The following CUBN variants were observed in gnomAD, a reference collection of about 807,000 sequenced individuals.
CUBN encodes 460 kDa receptor.
In CUBN, 282 loss-of-function variants were observed where a neutral mutation model predicts 405.3. That is an observed-to-expected ratio of 0.70 (90% CI 0.63 to 0.77). CUBN has a LOEUF of 0.77. Among genes scored for constraint, CUBN ranks in the 30% least tolerant of loss-of-function variants. The pLI is 0.00. For synonymous variants in CUBN, 1,684 were observed against 1,617.0 expected (o/e 1.04, Z -0.99); for missense variants, 4,514 against 4,475.2 (o/e 1.01, Z -0.25).
In CUBN at chr10:17,046,486, T is replaced by A. The variant is rs149871991; in HGVS notation, c.3330-392A>T. Reference sequence around the variant, plus strand: ...AGAGAATCTTTCAACGTTTTCCTTCTGATTTGGAAATTTTTGAAATGTAAT... The same window carrying A: ...AGAGAATCTTTCAACGTTTTCCTTCAGATTTGGAAATTTTTGAAATGTAAT... On this transcript the variant is annotated intron_variant, in intron 23 of 66. Coordinates refer to ENST00000377833, the MANE Select transcript of CUBN (RefSeq NM_001081.4). Among the ~76,000 whole-genome samples the A allele has an allele frequency of 4.6e-4, 70 of 152,318 alleles. 1 individual carries two copies. The East Asian group carries it at 9.4e-3, about 21-fold the overall frequency.
chr10:17,069,066 C>T (rs559138783), intron 19 of CUBN, among the ~76,000 whole-genome samples: 17 of 152,148 alleles, frequency 1.1e-4, no homozygotes, highest in Non-Finnish European at 2.4e-4. Context: ...TTGTGATTAG[C>T]TTCTTTCACA....
At chr10:16,926,303 A>C (rs551457877) in intron 41 of CUBN, among the ~76,000 whole-genome samples, 9 of 152,318 alleles carry the variant, frequency 5.9e-5, no homozygotes, top group African/African-American at 2.2e-4. Flanking sequence ...AGAATGGATG[A>C]GGCAGAATGA....
intron 21 of CUBN, 132 bp downstream of exon 21, chr10:17,067,932 G>T: frequency 1.4e-6 from 1 of 726,052 alleles, no homozygotes; most frequent in Non-Finnish European, 2.4e-6. Flanking sequence ...TAGTTATGTA[G>T]AAATGGTCAT....
At chr10:16,995,452 AT>A (rs1833707145) in intron 28 of CUBN, among the ~76,000 whole-genome samples, 1 of 152,206 alleles carries the variant, frequency 6.6e-6, no homozygotes, top group South Asian at 2.1e-4. Flanking sequence ...AATGTTGTGC[AT>A]ATCATAATCC....
intron 31 of CUBN, among the ~76,000 whole-genome samples, chr10:16,968,323 ATT>A (rs557654227): frequency 6.1e-5 from 9 of 147,884 alleles, no homozygotes; most frequent in Non-Finnish European, 1.2e-4. Context: ...AGCACAGGGA[ATT>A]TTTTTTTTTT....
intron 58 of CUBN, among the ~76,000 whole-genome samples, chr10:16,873,940 T>C (rs1314636846): frequency 6.6e-6 from 1 of 152,186 alleles, no homozygotes; most frequent in African/African-American, 2.4e-5. Context: ...CTAGAATCTA[T>C]ATATACCTCA....
intron 6 of CUBN, among the ~76,000 whole-genome samples, chr10:17,121,534 C>T (rs887233265): frequency 1.4e-4 from 12 of 86,654 alleles, no homozygotes; most frequent in African/African-American, 5.3e-4. Flanking sequence ...CATCACACAC[C>T]GGGGACTGTT....
At chr10:17,002,797 TACA>T (rs1337525046) in intron 28 of CUBN, among the ~76,000 whole-genome samples, 1 of 152,226 alleles carries the variant, frequency 6.6e-6, no homozygotes, top group African/African-American at 2.4e-5. Context: ...ATCCCAACTT[TACA>T]ACAAGGAGTT....
chr10:16,830,756 G>C (rs192300066), intron 65 of CUBN, among the ~76,000 whole-genome samples: 1 of 152,176 alleles, frequency 6.6e-6, no homozygotes, highest in Admixed American at 6.5e-5. Context: ...TTTCATATAT[G>C]AATATATATT....
chr10:17,052,385 T>C (rs1183113514), intron 22 of CUBN, among the ~76,000 whole-genome samples: 4 of 152,160 alleles, frequency 2.6e-5, no homozygotes, highest in Admixed American at 6.5e-5. Flanking sequence ...ATATAAATGA[T>C]AGGCTTTCTT....
intron 17 of CUBN, among the ~76,000 whole-genome samples, chr10:17,073,000 GCT>G (rs1835774916): frequency 6.6e-6 from 1 of 152,062 alleles, no homozygotes; most frequent in Non-Finnish European, 1.5e-5. Flanking sequence ...CCCATAAGAT[GCT>G]CTACTTAGTA....
chr10:16,872,165 A>G (rs1306158350), intron 58 of CUBN, among the ~76,000 whole-genome samples: 1 of 152,082 alleles, frequency 6.6e-6, no homozygotes, highest in Non-Finnish European at 1.5e-5. Context: ...GCTTGAACCC[A>G]GCAGGTGGAG....
rs778278804 is a variant in CUBN, at chr10:17,127,919, C to A, written c.258G>T (p.Gln86His). 13 of 1,595,904 alleles carry A rather than the reference C, an allele frequency of 8.1e-6. No individual in the cohort carries two copies. The Admixed American group carries it at 1.8e-4, about 23-fold the overall frequency. Residue 86 changes from glutamine (Q) to histidine (H), a missense_variant, in exon 3 of 67, where the codon CAG becomes CAT. Transcript: ENST00000377833. ...EDLSECLHQI[Q>H]KNKEDIIELK... ...ACTCTATAATATCTTCTTTGTTTTT[C>A]TGGATCTAATTTTAGAAAAAGAAGA...
intron 19 of CUBN, 89 bp from the exon 20 acceptor site, chr10:17,068,859 G>A: frequency 9.3e-7 from 1 of 1,078,768 alleles, no homozygotes. Flanking sequence ...GTTTTTAATG[G>A]AGTACAAATC....
chr10:17,111,086 T>C lies in CUBN; in HGVS notation c.884-36A>G, dbSNP rs368244784. Reference sequence around the variant, plus strand: ...AAGAGGATTTAAAAGTTTAGCTCTATAGACAAGTCAACAAGGAAGAAATAC... The same window carrying C: ...AAGAGGATTTAAAAGTTTAGCTCTACAGACAAGTCAACAAGGAAGAAATAC... On this transcript the variant is annotated intron_variant, in intron 8 of 66. Transcript: ENST00000377833. The C allele has an allele frequency of 6.2e-6, 10 of 1,611,984 alleles. 1 individual carries two copies. In the African/African-American group the frequency reaches 1.1e-4, roughly 17 times the overall value.
At chr10:16,875,097 A>G (rs1013267207) in intron 57 of CUBN, among the ~76,000 whole-genome samples, 1 of 151,946 alleles carries the variant, frequency 6.6e-6, no homozygotes, top group African/African-American at 2.4e-5. Context: ...TAAGGACTAA[A>G]CTTGCCCCAG....
At chr10:16,889,939 A>AAAAAAAAAAAAAAAACAAAAAAC in intron 55 of CUBN, among the ~76,000 whole-genome samples, 1 of 135,380 alleles carries the variant, frequency 7.4e-6, no homozygotes, top group African/African-American at 2.8e-5. Flanking sequence ...CCGTGTCAAA[A>AAAAAAAAAAAAAAAACAAAAAAC]AAAAAAAAAA....
intron 11 of CUBN, 74 bp from the exon 12 acceptor site, chr10:17,104,679 G>A (rs1442231829): frequency 3.7e-6 from 3 of 812,236 alleles, no homozygotes; most frequent in African/African-American, 1.7e-5. Flanking sequence ...CCAAATAATA[G>A]GAATGTAGTG....
chr10:16,888,495 T>C lies in CUBN; in HGVS notation c.8827A>G (p.Asn2943Asp). 1 of 1,613,224 alleles carries C rather than the reference T, an allele frequency of 6.2e-7. No homozygotes were observed. The highest frequency in any genetic ancestry group is 8.5e-7 in the Non-Finnish European group (1 of 1,179,186). The stretch of plus-strand genomic sequence containing the variant: ...TCTATGACATAGGTGCAATTCATGT[T>C]GTTGTCATATTGTTTTGGGTAATTT... Reference protein sequence around the residue: ...SPNYPKQYDNNMNCTYVIEAN... With the variant: ...SPNYPKQYDNDMNCTYVIEAN... Residue 2943 changes from asparagine to aspartate, a missense_variant, in exon 56 of 67, where the codon AAC (asparagine) becomes GAC (aspartate). Physicochemically the swap from Asn to Asp is conservative, Grantham distance 23 (BLOSUM62 1). This residue lies in a region of CUBN where 1,186 missense variants were observed against 1,186.9 expected (regional missense o/e 1.00). Transcript: ENST00000377833.
Sources: gnomAD v4.1 joint callset for allele counts (sites outside exome capture counted in the v4.1 genomes callset) on GRCh38, gnomAD v4.1.1 for gene constraint, gnomAD v4.1.1 regional missense constraint, MANE v1.5 for transcripts, NCBI Gene and HGNC (gene_info 2026-07-23, HGNC 2026-07-21) for gene names.